Variants in IBTK observed in about 807,000 individuals in gnomAD.
The protein encoded by IBTK is inhibitor of Bruton tyrosine kinase.
Under a neutral mutation model 154.9 loss-of-function variants are expected in IBTK, and 83 were observed. The ratio of observed to expected loss-of-function variants is 0.54; its 90% confidence interval spans 0.45 to 0.64. IBTK has a LOEUF of 0.64. IBTK is among the 30% of genes least tolerant of loss of function. The pLI, the probability that IBTK is intolerant of heterozygous loss-of-function variation, is 0.00. For missense variants in IBTK, 1,332 were observed against 1,584.6 expected (o/e 0.84, Z 2.71); for synonymous variants, 515 against 536.1 (o/e 0.96, Z 0.54).
Position 82,220,694 on chromosome 6 carries a change from CT to C in IBTK, c.1143del (p.Val382PhefsTer17). ...KMASKQLNLK[K>X]VLVSGGHMEY... ...TCCATATGACCCCCAGACACAAGAA[CT>C]TTTTTCAAGTTCAACTGTCTAGATG... On this transcript the variant is annotated frameshift_variant, in exon 9 of 29. Coordinates refer to ENST00000306270, the MANE Select transcript of IBTK (RefSeq NM_015525.4). LOFTEE classifies it high-confidence loss of function. 6.3e-7 allele frequency: 1 copy of C among 1,578,252 alleles called. No homozygotes were observed. Among genetic ancestry groups the C allele is most frequent in the Admixed American group, 1.9e-5 (1 of 53,996 alleles).
At chr6:82,213,643 T>C (rs1404748200) in intron 12 of IBTK, among the ~76,000 whole-genome samples, 1 of 152,134 alleles carries the variant, frequency 6.6e-6, no homozygotes, top group Non-Finnish European at 1.5e-5. Flanking sequence ...AGCTAAGAGA[T>C]ATGTATGTCT....
At position 82,234,200 on chromosome 6, in the gene IBTK, A is replaced by G. The variant is rs1393105317; in HGVS notation, c.377T>C (p.Val126Ala). The G allele has an allele frequency of 6.2e-7, 1 of 1,606,462 alleles. No homozygotes were observed. The highest frequency in any genetic ancestry group is 1.7e-5 in the Admixed American group (1 of 59,766). ...DKEGLSALDL[V>A]MKDRPTHVVF... is the part of the protein sequence containing the mutation. ...TACATGAGTTGGTCTATCCTTCATT[A>G]CAAGATCCAAAGCTGACAAGCCTTC... The change falls in exon 3 of 29, where the codon GTA (valine) becomes GCA (alanine). Residue 126 changes from valine (V) to alanine (A), a missense_variant. Physicochemically the swap from Val to Ala is moderately conservative, Grantham distance 64. This residue lies in a region of IBTK where 114 missense variants were observed against 213.7 expected (regional missense o/e 0.53). Transcript: ENST00000306270.
At chr6:82,222,997 A>T (rs137873569) in intron 8 of IBTK, among the ~76,000 whole-genome samples, 3 of 152,070 alleles carry the variant, frequency 2.0e-5, no homozygotes, top group African/African-American at 4.8e-5. Context: ...ATGTTTTTTT[A>T]AAAAATATAC....
Position 82,227,172 on chromosome 6 carries a change from T to C in IBTK, c.654+20A>G, listed in dbSNP as rs1770328795. The C allele has an allele frequency of 6.7e-7, 1 of 1,489,154 alleles. No individual in the cohort carries two copies. Among genetic ancestry groups the C allele is most frequent in the East Asian group, 2.3e-5 (1 of 43,882 alleles). The allele number at this position is 1,489,154 out of a possible 1,614,324, so 92.2% of individuals were successfully genotyped here. On this transcript the variant is annotated intron_variant, in intron 5 of 28. Coordinates refer to ENST00000306270, the MANE Select transcript of IBTK (RefSeq NM_015525.4). ...CATTTTTCTAAAGTTACCTAAATAGTGTAATGACATTTCAATTACCAAGCA... is the reference window on the plus strand; with the variant it reads ...CATTTTTCTAAAGTTACCTAAATAGCGTAATGACATTTCAATTACCAAGCA...
At chr6:82,210,771 A>G in intron 16 of IBTK, 43 bp downstream of exon 16, 1 of 792,304 alleles carries the variant, frequency 1.3e-6, no homozygotes, top group Non-Finnish European at 1.9e-6. Flanking sequence ...CCATTATTCC[A>G]TTATATGTGA....
rs144061522 is a variant in IBTK at position 82,204,826 on chromosome 6, C to T, written c.2611+31G>A. On this transcript the variant is annotated intron_variant, in intron 17 of 28. Coordinates refer to ENST00000306270, the MANE Select transcript of IBTK (RefSeq NM_015525.4). ...CAGTAATCCTTGATGAACCTGAAAA[C>T]ATATTAATATTCAAACTCAAAATTA... 209 of 1,283,438 alleles carry T rather than the reference C, an allele frequency of 1.6e-4. No individual in the cohort carries two copies. The East Asian group carries it at 2.3e-3, about 14-fold the overall frequency. The allele number at this position is 1,283,438 out of a possible 1,614,324, so 79.5% of individuals were successfully genotyped here.
chr6:82,227,270 C>T lies in IBTK; in HGVS notation c.576G>A (p.Leu192=). 1 of 1,609,722 alleles carries T rather than the reference C, an allele frequency of 6.2e-7. No homozygotes were observed. The highest frequency in any genetic ancestry group is 8.5e-7 in the Non-Finnish European group (1 of 1,178,190). ...VVLCKFHSVF[L]SQKGQVYTCG... is the part of the protein sequence containing the mutation. ...AGGTATAAACCTGCCCTTTCTGAGA[C>T]AGAAACACGGAGTGAAATTTACAAA... is the stretch of plus-strand genomic sequence containing the variant. The change falls in exon 5 of 29, where the codon CTG becomes CTA. Residue 192 remains leucine, a synonymous_variant. Coordinates refer to ENST00000306270, the MANE Select transcript of IBTK (RefSeq NM_015525.4).
intron 20 of IBTK, 50 bp downstream of exon 20, chr6:82,200,537 A>C: frequency 7.0e-7 from 1 of 1,425,460 alleles, no homozygotes; most frequent in Non-Finnish European, 9.3e-7. Flanking sequence ...ACACTGGAGA[A>C]AAGAAGGAAG....
At chr6:82,174,736 T>A (rs916426301) in intron 26 of IBTK, among the ~76,000 whole-genome samples, 14 of 152,166 alleles carry the variant, frequency 9.2e-5, no homozygotes, top group African/African-American at 3.4e-4. Context: ...TGCAATACCC[T>A]GTGAAGAAAG....
In IBTK at chr6:82,201,436, A is replaced by C. The variant is rs745356056; in HGVS notation, c.2776T>G (p.Phe926Val). 2.5e-6 allele frequency: 4 copies of C among 1,608,816 alleles called. No individual in the cohort carries two copies. The African/African-American group carries it at 5.4e-5, about 22-fold the overall frequency. The stretch of plus-strand genomic sequence containing the variant: ...ATAAACCTTACCATTTTCCGGTAAA[A>C]CTCAGAAAGATCCTTCAAAACACCA... The part of the protein sequence containing the change: ...SDGVLKDLSE[F>V]YRKMIPAMDR... Residue 926 changes from phenylalanine to valine, a missense_variant, in exon 19 of 29, where the codon TTT becomes GTT. By Grantham distance (50) the Phe-to-Val change is conservative. Coordinates refer to ENST00000306270, the MANE Select transcript of IBTK (RefSeq NM_015525.4).
intron 25 of IBTK, among the ~76,000 whole-genome samples, chr6:82,186,699 T>C (rs1482865428): frequency 6.6e-6 from 1 of 152,110 alleles, no homozygotes; most frequent in Non-Finnish European, 1.5e-5. Flanking sequence ...ACCTTGATGA[T>C]AATAATTCAG....
intron 19 of IBTK, 43 bp from the exon 20 acceptor site, chr6:82,200,751 A>T (rs1769173596): frequency 1.5e-6 from 1 of 656,060 alleles, no homozygotes; most frequent in Non-Finnish European, 2.2e-6. Context: ...AAAATCTGTG[A>T]AGTTTTTTTT....
chr6:82,212,841 TAAAC>T, intron 12 of IBTK, 48 bp from the exon 13 acceptor site: 1 of 1,073,366 alleles, frequency 9.3e-7, no homozygotes, highest in African/African-American at 1.6e-5. Context: ...CCTACAAAAA[TAAAC>T]ATACAACAAA....
chr6:82,177,645 C>T (rs770196590), intron 26 of IBTK, among the ~76,000 whole-genome samples: 12 of 152,132 alleles, frequency 7.9e-5, no homozygotes, highest in Non-Finnish European at 1.5e-4. Context: ...AAGTCCCGAC[C>T]TCAGGTGATT....
chr6:82,223,312 A>G (rs1195784249), intron 8 of IBTK, 128 bp downstream of exon 8: 3 of 645,278 alleles, frequency 4.6e-6, no homozygotes, highest in Non-Finnish European at 7.0e-6. Flanking sequence ...AAAATTCCTG[A>G]TGTTTTTCCT....
intron 26 of IBTK, among the ~76,000 whole-genome samples, 168 bp downstream of exon 26, chr6:82,181,711 A>AT (rs1352023819): frequency 1.3e-5 from 2 of 152,126 alleles, no homozygotes; most frequent in Admixed American, 1.3e-4. Context: ...AACCGTTTCA[A>AT]TTTTTTTTAA....
chr6:82,237,453 A>T (rs188742691), intron 2 of IBTK, among the ~76,000 whole-genome samples: 3 of 152,136 alleles, frequency 2.0e-5, no homozygotes, highest in African/African-American at 4.8e-5. Flanking sequence ...TGGGGGGGAA[A>T]AAAAAAGGAA....
intron 10 of IBTK, among the ~76,000 whole-genome samples, chr6:82,216,509 T>C (rs1431114799): frequency 6.6e-6 from 1 of 152,226 alleles, no homozygotes; most frequent in Non-Finnish European, 1.5e-5. Context: ...TCCTCCATAC[T>C]GCAACCAAAG....
Position 82,240,200 on chromosome 6 carries a change from T to TA in IBTK, c.286dup (p.Tyr96LeufsTer5). 6.2e-7 allele frequency: 1 copy of TA among 1,614,076 alleles called. No homozygotes were observed. Reference sequence around the variant, plus strand: ...AGACCAAACACAATCAATATGTCCATAAAAAATGCTTCTGTGCAATGCTGT... The same window carrying TA: ...AGACCAAACACAATCAATATGTCCATAAAAAAATGCTTCTGTGCAATGCTGT... On this transcript the variant is annotated frameshift_variant, in exon 2 of 29. Transcript: ENST00000306270. LOFTEE classifies it high-confidence loss of function.
Sources: allele counts gnomAD v4.1 joint callset (sites outside exome capture counted in the v4.1 genomes callset), GRCh38; gene constraint gnomAD v4.1.1; regional missense constraint gnomAD v4.1.1; transcripts MANE v1.5; gene names NCBI Gene and HGNC (gene_info 2026-07-23, HGNC 2026-07-21).